ARGLU1: variants seen among roughly 807,000 people sequenced by gnomAD.
ARGLU1 encodes the protein arginine and glutamate rich 1.
ARGLU1 carries 9 observed loss-of-function variants against 37.6 expected under a neutral mutation model. The observed-to-expected ratio is 0.24, with a 90% CI of 0.14 to 0.42. The LOEUF is 0.42. ARGLU1 is among the 10% of genes least tolerant of loss of function. The pLI is 1.00. For missense variants in ARGLU1, 211 were observed against 359.2 expected (o/e 0.59, Z 3.34); for synonymous variants, 166 against 138.5 (o/e 1.20, Z -1.39).
At chr13:106,559,853 A>C (rs549939346) in intron 1 of ARGLU1, among the ~76,000 whole-genome samples, 196 bp from the exon 2 acceptor site, 14 of 152,338 alleles carry the variant, frequency 9.2e-5, no homozygotes, top group African/African-American at 3.4e-4. Flanking sequence ...AATGAGTATA[A>C]AATCTTTTTT....
rs1205961938 is a variant in ARGLU1, at chr13:106,567,770, C to G, written c.150G>C (p.Arg50=). The change falls in exon 1 of 4, where the codon CGG becomes CGC. Residue 50 remains arginine, a synonymous_variant. Transcript: ENST00000400198. The surrounding 1 kb of genome is among the most constrained non-coding windows in gnomAD (Gnocchi z 4.3). Reference sequence around the variant, plus strand: ...GCGAACGGGACCGCGACTCCCGCCGCCGGTTCCGTTTACTTTCCCGAGATT... The same window carrying G: ...GCGAACGGGACCGCGACTCCCGCCGGCGGTTCCGTTTACTTTCCCGAGATT... ...RSKSRESKRN[R]RRESRSRSRS... 2 of 1,613,220 alleles carry G rather than the reference C, an allele frequency of 1.2e-6. No individual in the cohort carries two copies. The highest frequency in any genetic ancestry group is 3.3e-5 in the Admixed American group (2 of 59,990).
At chr13:106,563,502 A>G (rs1035163491) in intron 1 of ARGLU1, among the ~76,000 whole-genome samples, 2 of 152,052 alleles carry the variant, frequency 1.3e-5, no homozygotes, top group African/African-American at 2.4e-5. Flanking sequence ...AACGACCAAA[A>G]AAAGGAAGAA....
chr13:106,543,232 A>T lies in ARGLU1; in HGVS notation c.*764T>A, dbSNP rs749303879. 2.6e-5 allele frequency: 4 copies of T among 152,554 alleles called. No individual in the cohort carries two copies. The highest frequency in any genetic ancestry group is 4.8e-5 in the African/African-American group (2 of 41,450). 9.5% of individuals were successfully genotyped at this position (152,554 alleles called of 1,614,324 possible). On this transcript the variant is annotated 3_prime_UTR_variant, in exon 4 of 4. Coordinates refer to ENST00000400198, the MANE Select transcript of ARGLU1 (RefSeq NM_018011.4). ...TATGTTAAAAGTATAAACAAGAGGAAATATAGTTCTAAGACTTCTAAATGG... is the reference window on the plus strand; with the variant it reads ...TATGTTAAAAGTATAAACAAGAGGATATATAGTTCTAAGACTTCTAAATGG...
Position 106,555,980 on chromosome 13 carries a change from T to A in ARGLU1, c.657+1068A>T, listed in dbSNP as rs527713409. 3.0e-4 allele frequency among the ~76,000 whole-genome samples: 45 copies of A among 152,206 alleles called. 1 individual carries two copies. The highest frequency in any genetic ancestry group is 4.4e-5 in the Non-Finnish European group (3 of 68,028). Reference sequence around the variant, plus strand: ...CCATGCCTCACAAACCAGAGTGTATTTACCCTTCAAAGCTCAACCTTCTAA... The same window carrying A: ...CCATGCCTCACAAACCAGAGTGTATATACCCTTCAAAGCTCAACCTTCTAA... On this transcript the variant is annotated intron_variant, in intron 3 of 3. Coordinates refer to ENST00000400198, the MANE Select transcript of ARGLU1 (RefSeq NM_018011.4).
At position 106,542,825 on chromosome 13, in the gene ARGLU1, A is replaced by C. The variant is rs1045187505; in HGVS notation, c.*1171T>G. On this transcript the variant is annotated 3_prime_UTR_variant, in exon 4 of 4. Transcript: ENST00000400198. ...AAGCCATTCATAAGATTTCACATGC[A>C]AAAAAAAAAAAAAAATTCATAAAGT... The C allele has an allele frequency of 9.1e-5, 11 of 121,408 alleles. No individual in the cohort carries two copies. The highest frequency in any genetic ancestry group is 3.2e-4 in the African/African-American group (10 of 30,972). The allele number at this position is 121,408 out of a possible 1,614,324, so 7.5% of individuals were successfully genotyped here. A position where few individuals can be genotyped will look rare whatever the true frequency, so the allele number is the denominator to read the frequency against.
At chr13:106,559,793 A>T in intron 1 of ARGLU1, 136 bp from the exon 2 acceptor site, 2 of 943,154 alleles carry the variant, frequency 2.1e-6, no homozygotes, top group Non-Finnish European at 3.1e-6. Context: ...TTTCCATGTC[A>T]CATTTGAGGA....
At position 106,565,174 on chromosome 13, in the gene ARGLU1, T is replaced by C. The variant is rs542555387; in HGVS notation, c.347+2399A>G. 1.3e-5 allele frequency among the ~76,000 whole-genome samples: 2 copies of C among 152,342 alleles called. 1 individual carries two copies. The highest frequency in any genetic ancestry group is 4.1e-4 in the South Asian group (2 of 4,824). On this transcript the variant is annotated intron_variant, in intron 1 of 3. Transcript: ENST00000400198. ...CTAGGATGCAATCCAAGCTCTTTAA[T>C]ATGACATACAATAACCCTAACATGA...
intron 3 of ARGLU1, among the ~76,000 whole-genome samples, chr13:106,550,320 C>A (rs550295848): frequency 1.3e-5 from 2 of 152,116 alleles, no homozygotes; most frequent in Admixed American, 1.3e-4. Flanking sequence ...ACAAACCCAT[C>A]CTTCACAATG....
chr13:106,558,031 T>C (rs1327655044), intron 2 of ARGLU1: 2 of 985,266 alleles, frequency 2.0e-6, no homozygotes, highest in Non-Finnish European at 2.4e-6. Flanking sequence ...GTATGAAGAC[T>C]GCTTGATGGC....
intron 3 of ARGLU1, among the ~76,000 whole-genome samples, chr13:106,544,992 C>T (rs896464859): frequency 1.2e-4 from 19 of 152,320 alleles, no homozygotes; most frequent in African/African-American, 4.3e-4. Context: ...CCCCTCTTTA[C>T]CAAAGTCAGG....
At chr13:106,564,700 C>T (rs897751562) in intron 1 of ARGLU1, among the ~76,000 whole-genome samples, 1 of 152,172 alleles carries the variant, frequency 6.6e-6, no homozygotes, top group African/African-American at 2.4e-5. Context: ...CATATACTCT[C>T]AAGGTTTCAC....
chr13:106,547,815 T>TA (rs918319913), intron 3 of ARGLU1, among the ~76,000 whole-genome samples: 10 of 152,000 alleles, frequency 6.6e-5, no homozygotes, highest in Admixed American at 3.3e-4. Context: ...TTTCTCTTCC[T>TA]AAAAAAACAA....
In ARGLU1 at chr13:106,542,554, C is replaced by T. The variant is rs905098460; in HGVS notation, c.*1442G>A. 7 of 152,052 alleles carry T rather than the reference C, an allele frequency of 4.6e-5. No individual in the cohort carries two copies. Among genetic ancestry groups the T allele is most frequent in the African/African-American group, 1.7e-4 (7 of 41,414 alleles). The allele number at this position is 152,052 out of a possible 1,614,324, so 9.4% of individuals were successfully genotyped here. A position where few individuals can be genotyped will look rare whatever the true frequency, so the allele number is the denominator to read the frequency against. ...TCAAAACTAAAGCAACAGCATTTTT[C>T]CTAGCATGCACACACAAAATAATCT... On this transcript the variant is annotated 3_prime_UTR_variant, in exon 4 of 4. Coordinates refer to ENST00000400198, the MANE Select transcript of ARGLU1 (RefSeq NM_018011.4).
chr13:106,567,499 C>CCGCCCCGGCCCCACGCCCT lies in ARGLU1; in HGVS notation c.347+55_347+73dup. On this transcript the variant is annotated intron_variant, in intron 1 of 3. Coordinates refer to ENST00000400198, the MANE Select transcript of ARGLU1 (RefSeq NM_018011.4). This position sits in a 1 kb window ranked among gnomAD's most constrained non-coding sequence, Gnocchi z 4.3. ...CGCCATTCTCCCGGCCCGCACCGTC[C>CCGCCCCGGCCCCACGCCCT]CGCCCCGGCCCCACGCCCTCGCCCC... is the stretch of plus-strand genomic sequence containing the variant. The CCGCCCCGGCCCCACGCCCT allele has an allele frequency of 8.9e-7, 1 of 1,127,984 alleles. No homozygotes were observed. The highest frequency in any genetic ancestry group is 1.3e-6 in the Non-Finnish European group (1 of 762,972). The allele number at this position is 1,127,984 out of a possible 1,614,324, so 69.9% of individuals were successfully genotyped here.
chr13:106,559,245 C>CT, intron 2 of ARGLU1, 187 bp downstream of exon 2: 1 of 1,530,284 alleles, frequency 6.5e-7, no homozygotes, highest in Non-Finnish European at 8.7e-7. Context: ...AAGCTTCCAA[C>CT]TTTTAAGTTA....
intron 3 of ARGLU1, among the ~76,000 whole-genome samples, chr13:106,553,733 T>C (rs1880591151): frequency 1.3e-5 from 2 of 152,218 alleles, no homozygotes; most frequent in Admixed American, 1.3e-4. Flanking sequence ...TGTACAAATA[T>C]CCTTTTTAAT....
Position 106,567,210 on chromosome 13 carries a change from T to C in ARGLU1, c.347+363A>G, listed in dbSNP as rs1162124686. 6.6e-6 allele frequency among the ~76,000 whole-genome samples: 1 copy of C among 152,074 alleles called. No homozygotes were observed. The highest frequency in any genetic ancestry group is 1.5e-5 in the Non-Finnish European group (1 of 68,008). On this transcript the variant is annotated intron_variant, in intron 1 of 3. Transcript: ENST00000400198. This position sits in a 1 kb window ranked among gnomAD's most constrained non-coding sequence, Gnocchi z 4.3. ...GCAAACGCTCACCACCCTCCACATCTGCAGGCCGGCTCGCTCCCGGCCTCA... is the reference window on the plus strand; with the variant it reads ...GCAAACGCTCACCACCCTCCACATCCGCAGGCCGGCTCGCTCCCGGCCTCA...
chr13:106,555,684 C>T (rs889867748), intron 3 of ARGLU1, among the ~76,000 whole-genome samples: 1 of 152,028 alleles, frequency 6.6e-6, no homozygotes, highest in South Asian at 2.1e-4. Flanking sequence ...GATCACACAC[C>T]GAAAGTCATA....
At position 106,567,686 on chromosome 13, in the gene ARGLU1, C is replaced by A; in HGVS notation, c.234G>T (p.Pro78=). 1 of 1,576,056 alleles carries A rather than the reference C, an allele frequency of 6.3e-7. No individual in the cohort carries two copies. Among genetic ancestry groups the A allele is most frequent in the East Asian group, 2.4e-5 (1 of 41,388 alleles). Reference sequence around the variant, plus strand: ...GCCCGAAGATGTCGATGCGGTCGGGCGGGGACGAGGCGCGCTCCCGGTCCC... The same window carrying A: ...GCCCGAAGATGTCGATGCGGTCGGGAGGGGACGAGGCGCGCTCCCGGTCCC... ...RERDRERASS[P]PDRIDIFGRT... Residue 78 remains proline, a synonymous_variant, in exon 1 of 4, where the codon CCG becomes CCT. Transcript: ENST00000400198. The surrounding 1 kb of genome is among the most constrained non-coding windows in gnomAD (Gnocchi z 4.3).
Sources: allele counts gnomAD v4.1 joint callset (sites outside exome capture counted in the v4.1 genomes callset), GRCh38; gene constraint gnomAD v4.1.1; non-coding constraint Gnocchi (gnomAD v3.1); transcripts MANE v1.5; gene names NCBI Gene and HGNC (gene_info 2026-07-23, HGNC 2026-07-21).